WDR6: variants seen among roughly 807,000 people sequenced by gnomAD.
WDR6 encodes WD repeat domain 6, also known as tRNA (34-2'-O)-methyltransferase regulator WDR6.
A neutral mutation model predicts 85.6 loss-of-function variants in WDR6; 58 were observed. The ratio of observed to expected loss-of-function variants is 0.68; its 90% CI spans 0.55 to 0.84. The LOEUF is 0.84. Ranked by LOEUF, WDR6 falls within the 40% of genes least tolerant of loss-of-function variation. The pLI is 0.00. For missense variants in WDR6, 1,310 were observed against 1,476.4 expected (o/e 0.89, Z 1.85); for synonymous variants, 569 against 582.2 (o/e 0.98, Z 0.33).
intron 1 of WDR6, among the ~76,000 whole-genome samples, chr3:49,008,740 G>C (rs2092998634): frequency 6.6e-6 from 1 of 152,184 alleles, no homozygotes; most frequent in African/African-American, 2.4e-5. Flanking sequence ...AAGGGCAGTG[G>C]GGAGAACCTA....
In WDR6 at chr3:49,015,279, G is replaced by A; in HGVS notation, c.3357G>A (p.Trp1119Ter). ...LGGQGLEVYN[W>*]YD ...GTCAGGGGCTTGAGGTTTACAACTG[G>A]TATGACTGAGGTATCCTGCGGTGGC... Residue 1119 changes from tryptophan to a stop codon, truncating the protein, a stop_gained, in exon 6 of 6, where the codon TGG becomes TGA. Coordinates refer to ENST00000608424, the MANE Select transcript of WDR6 (RefSeq NM_018031.6). LOFTEE classifies it high-confidence loss of function. 2 of 1,609,928 alleles carry A rather than the reference G, an allele frequency of 1.2e-6. No homozygotes were observed. The highest frequency in any genetic ancestry group is 1.7e-6 in the Non-Finnish European group (2 of 1,179,864).
Position 49,015,530 on chromosome 3 carries a change from GC to G in WDR6, c.*243del. 6.3e-7 allele frequency: 1 copy of G among 1,598,380 alleles called. No homozygotes were observed. The highest frequency in any genetic ancestry group is 8.5e-7 in the Non-Finnish European group (1 of 1,171,756). On this transcript the variant is annotated 3_prime_UTR_variant, in exon 6 of 6. Transcript: ENST00000608424. ...CAATTTATTTTGGCCGTGGGTTTTT[GC>G]TTTTTTTCCAGTTGATGACTTTGTG...
chr3:49,012,863 G>A lies in WDR6; in HGVS notation c.1329G>A (p.Trp443Ter). Residue 443 changes from tryptophan to a stop codon, truncating the protein, a stop_gained, in exon 2 of 6, where the codon TGG becomes TGA. Transcript: ENST00000608424. LOFTEE classifies it high-confidence loss of function. This position sits in a 1 kb window ranked among gnomAD's most constrained non-coding sequence, Gnocchi z 4.4. Reference protein sequence around the residue: ...LFPGKVHSLSWALRGYEELLL... With the variant: ...LFPGKVHSLS Reference sequence around the variant, plus strand: ...CTGGGAAGGTGCACAGCTTGAGCTGGGCCCTGCGTGGTTATGAGGAGCTCC... The same window carrying A: ...CTGGGAAGGTGCACAGCTTGAGCTGAGCCCTGCGTGGTTATGAGGAGCTCC... 5.0e-6 allele frequency: 8 copies of A among 1,613,674 alleles called. No homozygotes were observed. The highest frequency in any genetic ancestry group is 6.8e-6 in the Non-Finnish European group (8 of 1,179,914).
In WDR6 at chr3:49,011,672, T is replaced by C. The variant is rs186180447; in HGVS notation, c.138T>C (p.Phe46=). 4.3e-6 allele frequency: 7 copies of C among 1,614,164 alleles called. No homozygotes were observed. The East Asian group carries it at 1.6e-4, about 36-fold the overall frequency. ...ATGTCCTGGTGTACAGCTTGGACTT[T>C]GGTGGGCATCTGCGGATGATAAAGC... ...GPDVLVYSLD[F]GGHLRMIKRV... The change falls in exon 2 of 6, where the codon TTT becomes TTC. Residue 46 remains phenylalanine (F), a synonymous_variant. Transcript: ENST00000608424.
chr3:49,015,507 A>G lies in WDR6; in HGVS notation c.*219A>G. 6.3e-7 allele frequency: 1 copy of G among 1,591,328 alleles called. No individual in the cohort carries two copies. ...CAGAACTTTGTAACAAACAGTACCA[A>G]TTTATTTTGGCCGTGGGTTTTTGCT... On this transcript the variant is annotated 3_prime_UTR_variant, in exon 6 of 6. Coordinates refer to ENST00000608424, the MANE Select transcript of WDR6 (RefSeq NM_018031.6).
Position 49,015,932 on chromosome 3 carries a change from A to C in WDR6, c.*644A>C. 6.2e-7 allele frequency: 1 copy of C among 1,614,192 alleles called. No homozygotes were observed. Among genetic ancestry groups the C allele is most frequent in the Non-Finnish European group, 8.5e-7 (1 of 1,180,050 alleles). On this transcript the variant is annotated 3_prime_UTR_variant, in exon 6 of 6. Coordinates refer to ENST00000608424, the MANE Select transcript of WDR6 (RefSeq NM_018031.6). ...TTGCTCTTGTGCCCCAGGCCAGAAT[A>C]AAGAATAGAGTGTAGAGTGTCCTGG... is the stretch of plus-strand genomic sequence containing the variant.
intron 1 of WDR6, among the ~76,000 whole-genome samples, chr3:49,009,276 C>T (rs1344184165): frequency 6.6e-6 from 1 of 150,832 alleles, no homozygotes; most frequent in Non-Finnish European, 1.5e-5. Context: ...CTGTTTTCTC[C>T]ACCAAGAAAG....
chr3:49,013,785 ACTGT>A lies in WDR6; in HGVS notation c.2256_2259del (p.Cys753SerfsTer2), dbSNP rs2093031823. ...TGTGATCACATGTAGTGAGGACACT[ACTGT>A]CTGTGTCCTAGCACTCCCTACAACC... On this transcript the variant is annotated frameshift_variant, in exon 2 of 6. Coordinates refer to ENST00000608424, the MANE Select transcript of WDR6 (RefSeq NM_018031.6). LOFTEE classifies it high-confidence loss of function. This position sits in a 1 kb window ranked among gnomAD's most constrained non-coding sequence, Gnocchi z 4.6. 1 of 1,614,074 alleles carries A rather than the reference ACTGT, an allele frequency of 6.2e-7. No individual in the cohort carries two copies. Among genetic ancestry groups the A allele is most frequent in the South Asian group, 1.1e-5 (1 of 91,076 alleles).
In WDR6 at chr3:49,007,524, G is replaced by C. The variant is rs761886035; in HGVS notation, c.93G>C (p.Leu31=). The C allele has an allele frequency of 6.3e-7, 1 of 1,595,664 alleles. No individual in the cohort carries two copies. Among genetic ancestry groups the C allele is most frequent in the East Asian group, 2.3e-5 (1 of 44,322 alleles). ...GTCTGGAGTGCGTGGGGGACCGGCT[G>C]TTGGCGGGTGAGGCTTGGCTTGAGG... is the stretch of plus-strand genomic sequence containing the variant. ...VTGLECVGDR[L]LAGEGPDVLV... Residue 31 remains leucine, a synonymous_variant, in exon 1 of 6, where the codon CTG becomes CTC. Transcript: ENST00000608424. This position sits in a 1 kb window ranked among gnomAD's most constrained non-coding sequence, Gnocchi z 5.1.
intron 1 of WDR6, among the ~76,000 whole-genome samples, chr3:49,009,596 G>A (rs1444183629): frequency 2.0e-5 from 3 of 152,128 alleles, no homozygotes; most frequent in Admixed American, 1.3e-4. Flanking sequence ...GGAGACAGCC[G>A]TACGTGTCTC....
rs775247092 is a variant in WDR6 at position 49,013,478 on chromosome 3, G to T, written c.1944G>T (p.Leu648=). The change falls in exon 2 of 6, where the codon CTG becomes CTT. Residue 648 remains leucine (L), a synonymous_variant. Transcript: ENST00000608424. The surrounding 1 kb of genome is among the most constrained non-coding windows in gnomAD (Gnocchi z 4.6). ...VVWNPRSHEK[L]HIVNCGGGHR... ...GGAACCCTCGGTCACACGAGAAGCT[G>T]CACATCGTCAACTGTGGTGGAGGGC... is the stretch of plus-strand genomic sequence containing the variant. 2 of 1,614,108 alleles carry T rather than the reference G, an allele frequency of 1.2e-6. No homozygotes were observed. The highest frequency in any genetic ancestry group is 1.7e-5 in the Admixed American group (1 of 60,026).
chr3:49,011,480 G>A (rs762956226), intron 1 of WDR6, 155 bp from the exon 2 acceptor site: 50 of 1,601,366 alleles, frequency 3.1e-5, no homozygotes, highest in African/African-American at 5.4e-5. Context: ...GCACCCGGCC[G>A]AGACCAAGGA....
At chr3:49,009,771 AGG>A (rs2093004801) in intron 1 of WDR6, among the ~76,000 whole-genome samples, 1 of 150,778 alleles carries the variant, frequency 6.6e-6, no homozygotes, top group Non-Finnish European at 1.5e-5. Context: ...TCTATTGCTC[AGG>A]GTGGAGTGCA....
Position 49,007,821 on chromosome 3 carries a change from G to C in WDR6, c.100+290G>C, listed in dbSNP as rs1471375796. ...AGGGTGCAGGGGAACGCGGCCGCGC[G>C]GAGGCGGAGGCGGAGGCCCGGGAGC... On this transcript the variant is annotated intron_variant, in intron 1 of 5. Coordinates refer to ENST00000608424, the MANE Select transcript of WDR6 (RefSeq NM_018031.6). The surrounding 1 kb of genome is among the most constrained non-coding windows in gnomAD (Gnocchi z 5.1). Among the ~76,000 whole-genome samples the C allele has an allele frequency of 6.6e-6, 1 of 152,014 alleles. No homozygotes were observed. The highest frequency in any genetic ancestry group is 6.6e-5 in the Admixed American group (1 of 15,256).
rs199839135 is a variant in WDR6, at chr3:49,013,191, G to A, written c.1657G>A (p.Ala553Thr). 9.2e-5 allele frequency: 148 copies of A among 1,613,258 alleles called. 1 individual carries two copies. Among genetic ancestry groups the A allele is most frequent in the South Asian group, 7.1e-4 (65 of 91,048 alleles). ...VGSGSSGGGN[A>T]FTGLGPVSTL... Reference sequence around the variant, plus strand: ...TAGTGGTAGTAGTGGGGGTGGGAATGCTTTCACTGGGTTGGGCCCAGTGTC... The same window carrying A: ...TAGTGGTAGTAGTGGGGGTGGGAATACTTTCACTGGGTTGGGCCCAGTGTC... The change falls in exon 2 of 6, where the codon GCT becomes ACT. Residue 553 changes from alanine to threonine, a missense_variant. Transcript: ENST00000608424. The surrounding 1 kb of genome is among the most constrained non-coding windows in gnomAD (Gnocchi z 4.6).
In WDR6 at chr3:49,012,683, G is replaced by A; in HGVS notation, c.1149G>A (p.Gln383=). 1 of 1,614,022 alleles carries A rather than the reference G, an allele frequency of 6.2e-7. No homozygotes were observed. Among genetic ancestry groups the A allele is most frequent in the African/African-American group, 1.3e-5 (1 of 74,984 alleles). Residue 383 remains glutamine, a synonymous_variant, in exon 2 of 6, where the codon CAG becomes CAA. Coordinates refer to ENST00000608424, the MANE Select transcript of WDR6 (RefSeq NM_018031.6). This position sits in a 1 kb window ranked among gnomAD's most constrained non-coding sequence, Gnocchi z 4.4. ...LYDVEVKCWE[Q]LLEDKHFQSY... ...ACGTCGAGGTCAAGTGCTGGGAGCA[G>A]CTGCTAGAGGATAAACATTTCCAGT...
intron 1 of WDR6, chr3:49,008,001 G>C (rs1159186600): frequency 6.4e-6 from 1 of 155,970 alleles, no homozygotes; most frequent in Non-Finnish European, 1.4e-5. Flanking sequence ...CTTGGGGAAG[G>C]CGGGGCCGGG....
Position 49,015,424 on chromosome 3 carries a change from C to T in WDR6, c.*136C>T, listed in dbSNP as rs555725825. 4.3e-6 allele frequency: 6 copies of T among 1,411,420 alleles called. No individual in the cohort carries two copies. In the South Asian group the frequency reaches 6.5e-5, roughly 15 times the overall value. The allele number at this position is 1,411,420 out of a possible 1,614,324, so 87.4% of individuals were successfully genotyped here. A position where few individuals can be genotyped will look rare whatever the true frequency, so the allele number is the denominator to read the frequency against. ...TGGCCGTGGGTTCCTGATGTCGGTG[C>T]AGGAGCTGAAGGTGAGTGGAGTGCT... On this transcript the variant is annotated 3_prime_UTR_variant, in exon 6 of 6. Transcript: ENST00000608424.
At position 49,014,625 on chromosome 3, in the gene WDR6, A is replaced by G; in HGVS notation, c.2809A>G (p.Thr937Ala). The G allele has an allele frequency of 6.2e-7, 1 of 1,613,722 alleles. No homozygotes were observed. Among genetic ancestry groups the G allele is most frequent in the Non-Finnish European group, 8.5e-7 (1 of 1,179,988 alleles). ...GAGGCTCCTCCTGTGCAGCGCAGCT[A>G]CTGATGGCAGCCTGGCTTTCTGGGA... ...RRRLLLCSAA[T>A]DGSLAFWDLT... is the part of the protein sequence containing the mutation. Residue 937 changes from threonine (T) to alanine (A), a missense_variant, in exon 5 of 6, where the codon ACT (threonine) becomes GCT (alanine). Coordinates refer to ENST00000608424, the MANE Select transcript of WDR6 (RefSeq NM_018031.6). The surrounding 1 kb of genome is among the most constrained non-coding windows in gnomAD (Gnocchi z 4.9).
Sources: allele counts gnomAD v4.1 joint callset (sites outside exome capture counted in the v4.1 genomes callset), GRCh38; gene constraint gnomAD v4.1.1; non-coding constraint Gnocchi (gnomAD v3.1); transcripts MANE v1.5; gene names NCBI Gene and HGNC (gene_info 2026-07-23, HGNC 2026-07-21).